The following CEP192 variants were observed in gnomAD, a reference collection of about 807,000 sequenced individuals.
CEP192 encodes the protein centrosomal protein 192.
CEP192 carries 151 observed loss-of-function variants against 271.8 expected under a neutral mutation model. The ratio of observed to expected loss-of-function variants is 0.56; its 90% CI spans 0.49 to 0.64. The LOEUF (loss-of-function observed/expected upper bound fraction) is 0.64, where lower values mean the gene tolerates loss of function less well. CEP192 is among the 30% of genes least tolerant of loss of function. The pLI is 0.00. For missense variants in CEP192, 2,910 were observed against 3,020.5 expected, an observed-to-expected ratio of 0.96 and a Z score of 0.86; for synonymous variants, 995 against 1,076.5, an observed-to-expected ratio of 0.92 and a Z score of 1.48.
At chr18:13,110,584 G>A (rs67863818) in intron 40 of CEP192, among the ~76,000 whole-genome samples, 20,808 of 152,084 alleles carry the variant, frequency 0.14, 1,574 homozygotes, top group East Asian at 0.31. Flanking sequence ...AGAACTAATA[G>A]GATATATGTA....
chr18:13,089,623 C>A, intron 33 of CEP192, 58 bp downstream of exon 33: 1 of 831,388 alleles, frequency 1.2e-6, no homozygotes, highest in Non-Finnish European at 2.0e-6. Context: ...ATAGTATTAT[C>A]TATGTCCAAT....
rs144070607 is a variant in CEP192, at chr18:13,052,070, G to A, written c.3018-849G>A. ...TGCTCTTTTGCACTGTGACTTTGCCGCTTCCCCTCAAGAGGTGCAGTCCGT... is the reference window on the plus strand; with the variant it reads ...TGCTCTTTTGCACTGTGACTTTGCCACTTCCCCTCAAGAGGTGCAGTCCGT... On this transcript the variant is annotated intron_variant, in intron 17 of 44. Transcript: ENST00000506447. Among the ~76,000 whole-genome samples, 6 of 152,242 alleles carry A rather than the reference G, an allele frequency of 3.9e-5. No individual in the cohort carries two copies. In the East Asian group the frequency reaches 5.8e-4, roughly 15 times the overall value.
At chr18:13,090,424 C>G (rs774081557) in intron 33 of CEP192, among the ~76,000 whole-genome samples, 1 of 152,146 alleles carries the variant, frequency 6.6e-6, no homozygotes, top group Non-Finnish European at 1.5e-5. Context: ...CATATACACA[C>G]CAAAATAATA....
chr18:13,089,630 C>A, intron 33 of CEP192, 65 bp downstream of exon 33: 2 of 768,038 alleles, frequency 2.6e-6, no homozygotes, highest in South Asian at 1.7e-5. Flanking sequence ...TATCTATGTC[C>A]AATGATGTGA....
intron 40 of CEP192, among the ~76,000 whole-genome samples, chr18:13,112,722 G>A (rs1006655260): frequency 6.6e-6 from 1 of 152,184 alleles, no homozygotes; most frequent in Admixed American, 6.5e-5. Flanking sequence ...GACCAGTCCT[G>A]CTTTTGCCTC....
chr18:13,005,308 T>C (rs1459249884), intron 3 of CEP192, among the ~76,000 whole-genome samples: 3 of 152,152 alleles, frequency 2.0e-5, no homozygotes. Context: ...CTGTAAATTA[T>C]AGAAGGCACA....
chr18:13,087,393 A>C, intron 31 of CEP192, 116 bp downstream of exon 31: 1 of 1,067,028 alleles, frequency 9.4e-7, no homozygotes, highest in Non-Finnish European at 1.3e-6. Context: ...GAATAGAAGT[A>C]CTTATGTGAT....
At chr18:13,032,093 C>A (rs1018382867) in intron 11 of CEP192, among the ~76,000 whole-genome samples, 1 of 152,138 alleles carries the variant, frequency 6.6e-6, no homozygotes, top group African/African-American at 2.4e-5. Context: ...AGCGTCAGGA[C>A]TCGTTGCTTG....
At chr18:13,071,995 A>T (rs1476789530) in intron 28 of CEP192, among the ~76,000 whole-genome samples, 1 of 152,224 alleles carries the variant, frequency 6.6e-6, no homozygotes, top group Non-Finnish European at 1.5e-5. Flanking sequence ...AAACTTTACA[A>T]AATAATGTTT....
At chr18:13,119,858 T>C (rs1344697341) in intron 44 of CEP192, among the ~76,000 whole-genome samples, 1 of 152,254 alleles carries the variant, frequency 6.6e-6, no homozygotes, top group Non-Finnish European at 1.5e-5. Flanking sequence ...TACCTATACC[T>C]CATCCTCATC....
rs1241957463 is a variant in CEP192 at position 13,097,627 on chromosome 18, CT to C, written c.6557+1334del. On this transcript the variant is annotated intron_variant, in intron 36 of 44. Transcript: ENST00000506447. ...CCTAAGGCATGGTTTGTTTTCTTTT[CT>C]TTTTTTTTTTTTTAACTATTATTTT... 8.9e-3 allele frequency among the ~76,000 whole-genome samples: 1,033 copies of C among 115,576 alleles called. 10 individuals are homozygous for C. The highest frequency in any genetic ancestry group is 0.025 in the African/African-American group (797 of 31,352). 75.8% of individuals were successfully genotyped at this position (115,576 alleles called of 152,430 possible). A position where few individuals can be genotyped will look rare whatever the true frequency, so the allele number is the denominator to read the frequency against.
At chr18:13,075,450 C>CA (rs908764526) in intron 30 of CEP192, among the ~76,000 whole-genome samples, 1 of 152,190 alleles carries the variant, frequency 6.6e-6, no homozygotes, top group Non-Finnish European at 1.5e-5. Flanking sequence ...CCTGTAGTCC[C>CA]AGCTACTCGG....
intron 14 of CEP192, among the ~76,000 whole-genome samples, chr18:13,041,186 G>A (rs987650676): frequency 2.0e-4 from 31 of 152,070 alleles, no homozygotes; most frequent in African/African-American, 7.2e-4. Flanking sequence ...CACAGTAAAT[G>A]AAATAATTTC....
intron 1 of CEP192, among the ~76,000 whole-genome samples, chr18:12,996,047 G>A (rs183074550): frequency 1.2e-4 from 18 of 152,264 alleles, no homozygotes; most frequent in Admixed American, 1.2e-3. Context: ...AGTGGAGGGA[G>A]GGTTTGAGCT....
chr18:13,078,568 A>G (rs891571550), intron 30 of CEP192, among the ~76,000 whole-genome samples: 3 of 151,950 alleles, frequency 2.0e-5, no homozygotes, highest in Admixed American at 6.6e-5. Context: ...AAGCGTTCCT[A>G]TTTCTCCATA....
intron 44 of CEP192, 149 bp downstream of exon 44, chr18:13,117,792 A>G (rs2040500656): frequency 5.2e-6 from 3 of 577,626 alleles, no homozygotes; most frequent in Non-Finnish European, 9.2e-6. Flanking sequence ...CGCAAGTAGA[A>G]GCAGAGAAAA....
At position 13,080,311 on chromosome 18, in the gene CEP192, G is replaced by A. The variant is rs958865147; in HGVS notation, c.5617-6706G>A. Among the ~76,000 whole-genome samples the A allele has an allele frequency of 6.7e-4, 102 of 152,056 alleles. No homozygotes were observed. In the Middle Eastern group the frequency reaches 0.014, roughly 20 times the overall value. On this transcript the variant is annotated intron_variant, in intron 30 of 44. Coordinates refer to ENST00000506447, the MANE Select transcript of CEP192 (RefSeq NM_032142.4). ...ATTTGTTTGTGTCCTCTTTTATTTC[G>A]TTGAGCAGTGGTTTGTAGTTCTCCT...
intron 36 of CEP192, among the ~76,000 whole-genome samples, chr18:13,098,395 C>T (rs1486903606): frequency 1.6e-4 from 25 of 151,990 alleles, no homozygotes; most frequent in Admixed American, 8.5e-4. Flanking sequence ...GGGCGGCTGC[C>T]GGGCGGAGGG....
chr18:13,116,545 C>G (rs2040439570), intron 43 of CEP192, 42 bp downstream of exon 43: 1 of 1,506,792 alleles, frequency 6.6e-7, no homozygotes, highest in African/African-American at 1.4e-5. Context: ...AAAATACATG[C>G]ATTCAACTCT....
Sources: allele counts gnomAD v4.1 joint callset (sites outside exome capture counted in the v4.1 genomes callset), GRCh38; gene constraint gnomAD v4.1.1; transcripts MANE v1.5; gene names NCBI Gene and HGNC (gene_info 2026-07-23, HGNC 2026-07-21).